The following LRRC7 variants were observed in gnomAD, a reference collection of about 807,000 sequenced individuals.
The protein encoded by LRRC7 is leucine rich repeat containing 7.
Under a neutral mutation model 175.7 loss-of-function variants are expected in LRRC7, and 23 were observed. The ratio of observed to expected loss-of-function variants is 0.13; its 90% CI spans 0.09 to 0.19. The LOEUF (loss-of-function observed/expected upper bound fraction) is 0.19, where lower values mean the gene tolerates loss of function less well. LRRC7 is among the 10% of genes least tolerant of loss of function. LRRC7 has a pLI of 1.00. For synonymous variants in LRRC7, 685 were observed against 680.9 expected (o/e 1.01, Z -0.09); for missense variants, 1,354 against 1,904.7 (o/e 0.71, Z 5.38).
chr1:70,095,963 T>G (rs1284927971), intron 25 of LRRC7, among the ~76,000 whole-genome samples: 2 of 150,926 alleles, frequency 1.3e-5, no homozygotes, highest in Non-Finnish European at 1.5e-5. Context: ...ATGCATGTTG[T>G]TTTTTTTGTT....
intron 26 of LRRC7, among the ~76,000 whole-genome samples, chr1:70,110,545 A>G (rs1665457988): frequency 1.3e-5 from 2 of 152,180 alleles, no homozygotes; most frequent in Non-Finnish European, 2.9e-5. Context: ...GTGCAAGGAA[A>G]TGGATTCCTC....
chr1:69,673,729 T>C (rs141344342), intron 1 of LRRC7, among the ~76,000 whole-genome samples: 1 of 152,356 alleles, frequency 6.6e-6, no homozygotes, highest in East Asian at 1.9e-4. Flanking sequence ...ATTTTAAGTA[T>C]GTTTCCAGTG....
chr1:69,754,083 G>T lies in LRRC7; in HGVS notation c.101-6108G>T, dbSNP rs551913663. Among the ~76,000 whole-genome samples, 4 of 152,130 alleles carry T rather than the reference G, an allele frequency of 2.6e-5. No homozygotes were observed. The East Asian group carries it at 7.7e-4, about 29-fold the overall frequency. Reference sequence around the variant, plus strand: ...GTACCTGGCCAGGTTGTGCAATGGGGCTGGGTGTGAATCTGGAAGACAAGA... The same window carrying T: ...GTACCTGGCCAGGTTGTGCAATGGGTCTGGGTGTGAATCTGGAAGACAAGA... On this transcript the variant is annotated intron_variant, in intron 2 of 26. Transcript: ENST00000651989.
chr1:69,795,255 C>CT (rs1225396191), intron 4 of LRRC7, among the ~76,000 whole-genome samples: 1 of 152,022 alleles, frequency 6.6e-6, no homozygotes, highest in Non-Finnish European at 1.5e-5. Flanking sequence ...TGGCACATGC[C>CT]TGTAATCCCA....
chr1:69,763,598 G>A (rs1671278377), intron 3 of LRRC7, among the ~76,000 whole-genome samples: 1 of 151,892 alleles, frequency 6.6e-6, no homozygotes, highest in Non-Finnish European at 1.5e-5. Context: ...GGGAAGGGGT[G>A]GAAAGGGTAA....
intron 7 of LRRC7, among the ~76,000 whole-genome samples, chr1:69,865,760 G>A (rs1250312122): frequency 6.6e-6 from 1 of 151,968 alleles, no homozygotes; most frequent in Non-Finnish European, 1.5e-5. Flanking sequence ...GATTACAGGC[G>A]TGAGCTACCG....
At chr1:69,962,402 C>T (rs1435903403) in intron 8 of LRRC7, among the ~76,000 whole-genome samples, 1 of 152,146 alleles carries the variant, frequency 6.6e-6, no homozygotes, top group African/African-American at 2.4e-5. Context: ...TTAGTTCAAC[C>T]ATTGTGGAAG....
At chr1:69,922,263 G>T (rs1390220478) in intron 7 of LRRC7, among the ~76,000 whole-genome samples, 2 of 152,020 alleles carry the variant, frequency 1.3e-5, no homozygotes, top group Non-Finnish European at 2.9e-5. Flanking sequence ...GCAGTTCCTT[G>T]AATGCACCAT....
intron 3 of LRRC7, among the ~76,000 whole-genome samples, chr1:69,763,701 CTATG>C (rs1671290857): frequency 6.6e-6 from 1 of 151,974 alleles, no homozygotes; most frequent in African/African-American, 2.4e-5. Flanking sequence ...AAATCAAAAA[CTATG>C]TATAAAGTTT....
At chr1:69,927,276 A>G (rs1196632661) in intron 7 of LRRC7, among the ~76,000 whole-genome samples, 2 of 152,186 alleles carry the variant, frequency 1.3e-5, no homozygotes, top group Non-Finnish European at 1.5e-5. Context: ...GAATCTGACA[A>G]TTATGTTTCT....
At chr1:69,938,225 A>G (rs1241668287) in intron 8 of LRRC7, among the ~76,000 whole-genome samples, 1 of 152,106 alleles carries the variant, frequency 6.6e-6, no homozygotes, top group Non-Finnish European at 1.5e-5. Flanking sequence ...CATTTGAAAC[A>G]GTAAATCAAG....
At chr1:69,750,234 A>C (rs1272251194) in intron 2 of LRRC7, among the ~76,000 whole-genome samples, 1 of 152,012 alleles carries the variant, frequency 6.6e-6, no homozygotes, top group Non-Finnish European at 1.5e-5. Flanking sequence ...AGTTAAGAGC[A>C]AAGGAGCAAG....
At chr1:69,608,321 C>G (rs551250063) in intron 1 of LRRC7, 1 of 152,250 alleles carries the variant, frequency 6.6e-6, no homozygotes, top group African/African-American at 2.4e-5. Context: ...CGGCCACCAC[C>G]TCTGCCACAG....
intron 1 of LRRC7, among the ~76,000 whole-genome samples, chr1:69,653,292 A>T (rs370728054): frequency 7.3e-6 from 1 of 137,354 alleles, no homozygotes. Flanking sequence ...ACTTTTTTTT[A>T]ATTTTTTTAT....
At chr1:69,935,991 A>G (rs1187228879) in intron 8 of LRRC7, among the ~76,000 whole-genome samples, 1 of 152,090 alleles carries the variant, frequency 6.6e-6, no homozygotes, top group African/African-American at 2.4e-5. Flanking sequence ...AATTATTTAT[A>G]CTGTGTACTG....
chr1:69,776,646 C>T (rs1672840675), intron 3 of LRRC7, among the ~76,000 whole-genome samples: 1 of 152,118 alleles, frequency 6.6e-6, no homozygotes. Context: ...CATTTTACTG[C>T]TTCTTGGTTT....
intron 5 of LRRC7, among the ~76,000 whole-genome samples, chr1:69,828,484 G>A (rs544452888): frequency 2.0e-5 from 3 of 151,968 alleles, no homozygotes; most frequent in East Asian, 1.9e-4. Flanking sequence ...TAGTAGAAAT[G>A]GTATTTCAAT....
chr1:70,133,607 G>GA lies in LRRC7; in HGVS notation c.*11727dup, dbSNP rs1403461746. Among the ~76,000 whole-genome samples, 1 of 151,938 alleles carries GA rather than the reference G, an allele frequency of 6.6e-6. No individual in the cohort carries two copies. The highest frequency in any genetic ancestry group is 1.5e-5 in the Non-Finnish European group (1 of 67,978). ...AATGCTCTAAATTTACACAATTTAA[G>GA]AAAAAAACAAGAGCTTTGAGCTTAT... is the stretch of plus-strand genomic sequence containing the variant. On this transcript the variant is annotated 3_prime_UTR_variant, in exon 27 of 27. Coordinates refer to ENST00000651989, the MANE Select transcript of LRRC7 (RefSeq NM_001370785.2).
In LRRC7 at chr1:70,137,102, T is replaced by C. The variant is rs1666905048; in HGVS notation, c.*15215T>C. On this transcript the variant is annotated 3_prime_UTR_variant, in exon 27 of 27. Transcript: ENST00000651989. ...AAAGTTCTTGTCCCTTGTATATATG[T>C]ATCTTGTCAAAAAGGACAAGGCTCA... is the stretch of plus-strand genomic sequence containing the variant. Among the ~76,000 whole-genome samples the C allele has an allele frequency of 6.6e-6, 1 of 152,216 alleles. No individual in the cohort carries two copies. Among genetic ancestry groups the C allele is most frequent in the Admixed American group, 6.5e-5 (1 of 15,282 alleles).
Sources: allele counts gnomAD v4.1 joint callset (sites outside exome capture counted in the v4.1 genomes callset), GRCh38; gene constraint gnomAD v4.1.1; transcripts MANE v1.5; gene names NCBI Gene and HGNC (gene_info 2026-07-23, HGNC 2026-07-21).